Variants in DLGAP2 observed in about 807,000 individuals in gnomAD.
DLGAP2 encodes DLG associated protein 2.
DLGAP2 carries 26 observed loss-of-function variants against 100.3 expected under a neutral mutation model. The ratio of observed to expected loss-of-function variants is 0.26; its 90% CI spans 0.19 to 0.36. The LOEUF (loss-of-function observed/expected upper bound fraction) is 0.36, where lower values mean the gene tolerates loss of function less well. Among genes scored for constraint, DLGAP2 ranks in the 10% least tolerant of loss-of-function variants. The probability of loss-of-function intolerance (pLI) is 1.00; values close to 1 mark genes in which losing one functional copy is unlikely to be tolerated. For synonymous variants in DLGAP2, 886 were observed against 630.1 expected, an observed-to-expected ratio of 1.41 and a Z score of -6.08; for missense variants, 1,858 against 1,453.2, an observed-to-expected ratio of 1.28 and a Z score of -4.53.
chr8:1,259,142 A>T (rs9694576), intron 3 of DLGAP2, among the ~76,000 whole-genome samples: 31,681 of 152,058 alleles, frequency 0.21, 3,382 homozygotes, highest in Admixed American at 0.26. Flanking sequence ...TTTGTTCTGG[A>T]TTGACAAATT....
chr8:1,561,895 C>G lies in DLGAP2; in HGVS notation c.1231-3788C>G, dbSNP rs576170874. On this transcript the variant is annotated intron_variant, in intron 5 of 14. Coordinates refer to ENST00000637795, the MANE Select transcript of DLGAP2 (RefSeq NM_001346810.2). ...GGTGTTGGGTGTCCGCGCCTCGTTACTGGGGGACTGTGTGGAGTTGGGGTG... is the reference window on the plus strand; with the variant it reads ...GGTGTTGGGTGTCCGCGCCTCGTTAGTGGGGGACTGTGTGGAGTTGGGGTG... Among the ~76,000 whole-genome samples the G allele has an allele frequency of 2.9e-3, 128 of 43,518 alleles. 19 individuals carry two copies. Among genetic ancestry groups the G allele is most frequent in the African/African-American group, 0.013 (125 of 9,886 alleles). The allele number at this position is 43,518 out of a possible 152,430, so 28.5% of individuals were successfully genotyped here.
chr8:1,029,623 A>C (rs1801918682), intron 2 of DLGAP2, among the ~76,000 whole-genome samples: 2 of 131,812 alleles, frequency 1.5e-5, no homozygotes, highest in South Asian at 2.6e-4. Context: ...AGGATGGCCT[A>C]GGGTGTCCAG....
chr8:1,169,962 G>C (rs1226066135), intron 2 of DLGAP2, among the ~76,000 whole-genome samples: 1 of 152,014 alleles, frequency 6.6e-6, no homozygotes, highest in African/African-American at 2.4e-5. Flanking sequence ...TCTTGTGCCA[G>C]TTTTCAAAGG....
intron 6 of DLGAP2, among the ~76,000 whole-genome samples, chr8:1,585,480 T>C (rs1283170095): frequency 6.6e-6 from 1 of 152,192 alleles, no homozygotes; most frequent in Non-Finnish European, 1.5e-5. Flanking sequence ...TCCTTAGGGC[T>C]GTCAGTTCAG....
chr8:1,508,962 A>G (rs1800054469), intron 4 of DLGAP2, among the ~76,000 whole-genome samples: 1 of 152,060 alleles, frequency 6.6e-6, no homozygotes, highest in Admixed American at 6.6e-5. Context: ...ATGGGCTGCA[A>G]CTCATTAATG....
chr8:878,980 C>G (rs1797734184), intron 1 of DLGAP2, among the ~76,000 whole-genome samples: 1 of 152,206 alleles, frequency 6.6e-6, no homozygotes, highest in Non-Finnish European at 1.5e-5. Context: ...TTTTAGAGTC[C>G]TGGGACTGAT....
intron 2 of DLGAP2, among the ~76,000 whole-genome samples, chr8:1,168,589 G>A (rs1298772658): frequency 3.4e-5 from 5 of 149,040 alleles, no homozygotes; most frequent in Non-Finnish European, 7.4e-5. Flanking sequence ...GGTGTGAGAT[G>A]ATATCTCATT....
intron 3 of DLGAP2, among the ~76,000 whole-genome samples, chr8:1,298,465 A>G (rs1025072808): frequency 6.6e-6 from 1 of 152,136 alleles, no homozygotes; most frequent in South Asian, 2.1e-4. Flanking sequence ...ATACGGTTTC[A>G]TGGGGACACA....
intron 1 of DLGAP2, among the ~76,000 whole-genome samples, chr8:805,465 T>G (rs1392264445): frequency 6.6e-6 from 1 of 152,112 alleles, no homozygotes; most frequent in Non-Finnish European, 1.5e-5. Flanking sequence ...TATCTAAAGA[T>G]CTTCCCTGAA....
intron 1 of DLGAP2, among the ~76,000 whole-genome samples, chr8:874,333 C>G (rs980262239): frequency 6.6e-6 from 1 of 152,104 alleles, no homozygotes; most frequent in African/African-American, 2.4e-5. Context: ...TTCATAGAAG[C>G]ATTTACAGCT....
At chr8:809,413 A>G (rs1266777409) in intron 1 of DLGAP2, among the ~76,000 whole-genome samples, 1 of 150,582 alleles carries the variant, frequency 6.6e-6, no homozygotes, top group Non-Finnish European at 1.5e-5. Context: ...CTAAGAAAAT[A>G]CGTCATCAGT....
intron 2 of DLGAP2, among the ~76,000 whole-genome samples, chr8:999,193 C>G (rs1800871179): frequency 6.6e-6 from 1 of 151,866 alleles, no homozygotes; most frequent in Admixed American, 6.6e-5. Flanking sequence ...CCTCCTCACG[C>G]CAGAGATACT....
rs1208351158 is a variant in DLGAP2, at chr8:1,575,465, T to TTATTATTATTATTAG, written c.1442+9585_1442+9586insGTATTATTATTATTA. ...GACAGGAGGATATTCTTTATTATTA[T>TTATTATTATTATTAG]TATTATTATTATTATTATTATTATT... On this transcript the variant is annotated intron_variant, in intron 6 of 14. Coordinates refer to ENST00000637795, the MANE Select transcript of DLGAP2 (RefSeq NM_001346810.2). Among the ~76,000 whole-genome samples, 3 of 148,104 alleles carry TTATTATTATTATTAG rather than the reference T, an allele frequency of 2.0e-5. No individual in the cohort carries two copies. The East Asian group carries it at 5.9e-4, about 29-fold the overall frequency.
chr8:1,088,991 C>G (rs1218429233), intron 2 of DLGAP2, among the ~76,000 whole-genome samples: 1 of 123,086 alleles, frequency 8.1e-6, no homozygotes, highest in African/African-American at 3.4e-5. Context: ...GCAGGCTATG[C>G]CATTCTCGCT....
chr8:1,062,070 C>T (rs1803101407), intron 2 of DLGAP2, among the ~76,000 whole-genome samples: 1 of 150,778 alleles, frequency 6.6e-6, no homozygotes, highest in African/African-American at 2.4e-5. Flanking sequence ...GAGATAGAGG[C>T]ACCTGCTTTC....
intron 3 of DLGAP2, chr8:1,301,276 TC>T (rs200904764): frequency 1.3e-5 from 2 of 152,218 alleles, no homozygotes; most frequent in East Asian, 1.9e-4. Context: ...CAGCACCACG[TC>T]CCACCCTTCC....
chr8:819,777 T>C (rs1796551432), intron 1 of DLGAP2, among the ~76,000 whole-genome samples: 1 of 152,160 alleles, frequency 6.6e-6, no homozygotes, highest in African/African-American at 2.4e-5. Flanking sequence ...GGGAGGTACG[T>C]AAAACATCAT....
chr8:1,565,947 G>C, intron 6 of DLGAP2, 53 bp downstream of exon 6: 4 of 1,479,934 alleles, frequency 2.7e-6, no homozygotes, highest in Non-Finnish European at 3.6e-6. Flanking sequence ...CTGCCTGCGA[G>C]CTCCCTCTCC....
intron 1 of DLGAP2, among the ~76,000 whole-genome samples, chr8:854,255 G>A (rs1008752678): frequency 1.3e-5 from 2 of 152,184 alleles, no homozygotes. Context: ...GGGGTTAGTG[G>A]GGCTTGTGTA....
Sources: gnomAD v4.1 joint callset for allele counts (sites outside exome capture counted in the v4.1 genomes callset) on GRCh38, gnomAD v4.1.1 for gene constraint, MANE v1.5 for transcripts, NCBI Gene and HGNC (gene_info 2026-07-23, HGNC 2026-07-21) for gene names.